COL15A1: variants seen among roughly 807,000 people sequenced by gnomAD.
COL15A1 encodes collagen type XV alpha 1 chain, also known as collagen alpha-1(XV) chain.
COL15A1 carries 111 observed loss-of-function variants against 165.9 expected under a neutral mutation model. That is an observed-to-expected ratio of 0.67 (90% CI 0.57 to 0.78). The LOEUF is 0.78. Ranked by LOEUF, COL15A1 falls within the 30% of genes least tolerant of loss-of-function variation. COL15A1 has a pLI of 0.00. For missense variants in COL15A1, 1,745 were observed against 1,789.7 expected (o/e 0.98, Z 0.45); for synonymous variants, 659 against 674.8 (o/e 0.98, Z 0.36).
chr9:98,970,043 T>TAA (rs5899366), intron 2 of COL15A1, among the ~76,000 whole-genome samples: 107 of 139,536 alleles, frequency 7.7e-4, no homozygotes, highest in Middle Eastern at 3.7e-3. Context: ...ATTAGTAGTT[T>TAA]AAAAAAAAAA....
Position 99,027,978 on chromosome 9 carries a change from A to G in COL15A1, c.2043+2012A>G, listed in dbSNP as rs544367275. On this transcript the variant is annotated intron_variant, in intron 16 of 41. Transcript: ENST00000375001. ...AGGGCTGTAGTAGATCATAAGATCC[A>G]ATGATTCGTTTGATCTTTGACTCCC... Among the ~76,000 whole-genome samples, 216 of 152,368 alleles carry G rather than the reference A, an allele frequency of 1.4e-3. 1 individual carries two copies. The highest frequency in any genetic ancestry group is 5.1e-3 in the African/African-American group (211 of 41,594).
At chr9:98,950,948 G>A (rs1200305835) in intron 2 of COL15A1, among the ~76,000 whole-genome samples, 11 of 152,130 alleles carry the variant, frequency 7.2e-5, no homozygotes, top group Non-Finnish European at 1.3e-4. Context: ...ATTTTTTCAA[G>A]TGCTTCTTGG....
intron 4 of COL15A1, among the ~76,000 whole-genome samples, chr9:98,987,625 C>T (rs1838338556): frequency 6.6e-6 from 1 of 152,234 alleles, no homozygotes; most frequent in African/African-American, 2.4e-5. Context: ...GCTTTCCCGC[C>T]TTCTTGCCAA....
rs1838635394 is a variant in COL15A1, at chr9:99,000,708, G to A, written c.953-131G>A. 4 of 645,498 alleles carry A rather than the reference G, an allele frequency of 6.2e-6. No individual in the cohort carries two copies. In the Admixed American group the frequency reaches 1.3e-4, roughly 20 times the overall value. The allele number at this position is 645,498 out of a possible 1,614,324, so 40.0% of individuals were successfully genotyped here. On this transcript the variant is annotated intron_variant, in intron 6 of 41. Coordinates refer to ENST00000375001, the MANE Select transcript of COL15A1 (RefSeq NM_001855.5). The stretch of plus-strand genomic sequence containing the variant: ...TGCCATGTATGTTGTTCTGCAACTT[G>A]TTTTTTCCCCCTCTTGACCCTGTGT...
intron 30 of COL15A1, among the ~76,000 whole-genome samples, chr9:99,051,136 G>A (rs1262596117): frequency 2.6e-5 from 4 of 152,128 alleles, no homozygotes; most frequent in African/African-American, 7.2e-5. Flanking sequence ...GAAGCAAAAG[G>A]CTGGCTCCAG....
At position 99,047,857 on chromosome 9, in the gene COL15A1, T is replaced by C. The variant is rs375482050; in HGVS notation, c.2733+18T>C. ...GGCGACCTGTAGGTATCAGTGTTCA[T>C]TGGACAGGCTGGAGGGGGAGGACAC... On this transcript the variant is annotated intron_variant, in intron 27 of 41. Coordinates refer to ENST00000375001, the MANE Select transcript of COL15A1 (RefSeq NM_001855.5). 9 of 1,613,476 alleles carry C rather than the reference T, an allele frequency of 5.6e-6. No homozygotes were observed. The highest frequency in any genetic ancestry group is 2.7e-5 in the African/African-American group (2 of 74,760).
intron 12 of COL15A1, among the ~76,000 whole-genome samples, chr9:99,021,789 G>C (rs1228961146): frequency 6.6e-6 from 1 of 152,212 alleles, no homozygotes; most frequent in African/African-American, 2.4e-5. Flanking sequence ...TGGTGCTCTA[G>C]CAGGGCCCAG....
chr9:99,047,747 T>G, intron 26 of COL15A1, 39 bp from the exon 27 acceptor site: 1 of 1,605,672 alleles, frequency 6.2e-7, no homozygotes, highest in Non-Finnish European at 8.5e-7. Flanking sequence ...AACCAAGACT[T>G]TCTGTTCTTT....
Position 99,004,846 on chromosome 9 carries a change from G to C in COL15A1, c.1201-52G>C, listed in dbSNP as rs373444133. 8.3e-5 allele frequency: 134 copies of C among 1,610,242 alleles called. No homozygotes were observed. The South Asian group carries it at 1.2e-3, about 14-fold the overall frequency. On this transcript the variant is annotated intron_variant, in intron 8 of 41. Transcript: ENST00000375001. ...GCCTTCTGTTCCTTACCACAGTGTGGTGGATCAGCATCATGGGGCACTGAC... is the reference window on the plus strand; with the variant it reads ...GCCTTCTGTTCCTTACCACAGTGTGCTGGATCAGCATCATGGGGCACTGAC...
intron 2 of COL15A1, among the ~76,000 whole-genome samples, chr9:98,981,300 G>C (rs1212360633): frequency 6.6e-6 from 1 of 151,988 alleles, no homozygotes; most frequent in African/African-American, 2.4e-5. Flanking sequence ...TCTACTAAAA[G>C]TACAAAAATT....
chr9:99,029,735 T>A (rs951016609), intron 16 of COL15A1, among the ~76,000 whole-genome samples: 1 of 151,918 alleles, frequency 6.6e-6, no homozygotes, highest in Non-Finnish European at 1.5e-5. Context: ...ACCAGCCTGG[T>A]CAACATGGCG....
intron 16 of COL15A1, among the ~76,000 whole-genome samples, chr9:99,030,114 A>C (rs1839193651): frequency 6.6e-6 from 1 of 152,186 alleles, no homozygotes; most frequent in Non-Finnish European, 1.5e-5. Flanking sequence ...TGTGTGCTGA[A>C]ATTGAGTAAT....
rs373527824 is a variant in COL15A1, at chr9:99,046,601, G to A, written c.2680-1185G>A. 9.9e-5 allele frequency among the ~76,000 whole-genome samples: 15 copies of A among 152,208 alleles called. 2 individuals are homozygous for A. In the East Asian group the frequency reaches 1.5e-3, roughly 16 times the overall value. On this transcript the variant is annotated intron_variant, in intron 26 of 41. Transcript: ENST00000375001. The stretch of plus-strand genomic sequence containing the variant: ...CATCTCATCACAGGGCAGCAGGAGA[G>A]AGAATAAGTGCCAGCAGGGGAAATG...
chr9:99,051,340 A>G (rs1261471279), intron 30 of COL15A1, among the ~76,000 whole-genome samples: 1 of 152,188 alleles, frequency 6.6e-6, no homozygotes, highest in East Asian at 1.9e-4. Flanking sequence ...AAAGAAGGAA[A>G]AGATAGGCTC....
rs898613356 is a variant in COL15A1 at position 98,992,292 on chromosome 9, C to T, written c.804+3034C>T. 7.2e-4 allele frequency among the ~76,000 whole-genome samples: 109 copies of T among 152,246 alleles called. 2 individuals carry two copies. The highest frequency in any genetic ancestry group is 2.6e-4 in the Admixed American group (4 of 15,292). The stretch of plus-strand genomic sequence containing the variant: ...GCCCAGTGAGAATTCGAGAGCAGTG[C>T]GGGCCGGTCGGCAGTGCTGGGGGAC... On this transcript the variant is annotated intron_variant, in intron 5 of 41. Coordinates refer to ENST00000375001, the MANE Select transcript of COL15A1 (RefSeq NM_001855.5).
intron 23 of COL15A1, 148 bp downstream of exon 23, chr9:99,040,704 A>G (rs1410228266): frequency 1.4e-6 from 2 of 1,442,252 alleles, no homozygotes; most frequent in Admixed American, 1.9e-5. Flanking sequence ...TTTTTGATAG[A>G]TATGGGGTTT....
chr9:98,975,202 T>A (rs541787672), intron 2 of COL15A1, among the ~76,000 whole-genome samples: 19 of 152,374 alleles, frequency 1.2e-4, no homozygotes, highest in Non-Finnish European at 1.3e-4. Flanking sequence ...CTTAGCCTCC[T>A]CTGGCTTTAA....
At chr9:98,995,340 A>AC (rs1407264032) in intron 5 of COL15A1, among the ~76,000 whole-genome samples, 1 of 151,270 alleles carries the variant, frequency 6.6e-6, no homozygotes, top group East Asian at 1.9e-4. Flanking sequence ...CTTTACTGCC[A>AC]CCCCCCAGTC....
chr9:99,021,749 G>C (rs1050792355), intron 12 of COL15A1, among the ~76,000 whole-genome samples: 3 of 152,190 alleles, frequency 2.0e-5, no homozygotes, highest in African/African-American at 7.2e-5. Flanking sequence ...GGCTTCAGGG[G>C]AGTCCACACT....
Sources: gnomAD v4.1 joint callset for allele counts (sites outside exome capture counted in the v4.1 genomes callset) on GRCh38, gnomAD v4.1.1 for gene constraint, MANE v1.5 for transcripts, NCBI Gene and HGNC (gene_info 2026-07-23, HGNC 2026-07-21) for gene names.